MALRD1: variants seen among roughly 807,000 people sequenced by gnomAD.
MALRD1 encodes the protein MAM and LDL-receptor class A domain-containing protein 1.
A neutral mutation model predicts 242.1 loss-of-function variants in MALRD1; 247 were observed. The observed-to-expected ratio is 1.02, with a 90% CI of 0.92 to 1.13. The LOEUF (loss-of-function observed/expected upper bound fraction) is 1.13, where lower values mean the gene tolerates loss of function less well. MALRD1 is among the 50% of genes most tolerant of loss of function. The pLI, the probability that MALRD1 is intolerant of heterozygous loss-of-function variation, is 0.00. For missense variants in MALRD1, 2,989 were observed against 2,533.1 expected, an observed-to-expected ratio of 1.18 and a Z score of -3.86; for synonymous variants, 995 against 866.6, an observed-to-expected ratio of 1.15 and a Z score of -2.60.
intron 28 of MALRD1, among the ~76,000 whole-genome samples, chr10:19,442,363 G>A (rs911631734): frequency 1.3e-5 from 2 of 151,864 alleles, no homozygotes; most frequent in African/African-American, 4.8e-5. Context: ...ATGTTGAATA[G>A]GAGTGGTGAG....
intron 18 of MALRD1, among the ~76,000 whole-genome samples, chr10:19,253,147 A>T (rs1839366167): frequency 6.6e-6 from 1 of 151,996 alleles, no homozygotes; most frequent in South Asian, 2.1e-4. Flanking sequence ...TGGAAAATCC[A>T]ATGAAAAATA....
intron 19 of MALRD1, among the ~76,000 whole-genome samples, chr10:19,258,966 C>T (rs1049561374): frequency 2.0e-5 from 3 of 152,020 alleles, no homozygotes; most frequent in African/African-American, 7.2e-5. Flanking sequence ...TGATTTAGTA[C>T]CCACCCTCAT....
intron 36 of MALRD1, among the ~76,000 whole-genome samples, chr10:19,632,654 C>T (rs1564501149): frequency 6.6e-6 from 1 of 151,958 alleles, no homozygotes; most frequent in African/African-American, 2.4e-5. Flanking sequence ...ATGTTTCTCC[C>T]AACCTTACAT....
intron 33 of MALRD1, among the ~76,000 whole-genome samples, chr10:19,581,203 A>G (rs913232528): frequency 1.7e-5 from 2 of 116,320 alleles, no homozygotes; most frequent in African/African-American, 6.5e-5. Flanking sequence ...TTTTCTTGTA[A>G]TCTTTATTTA....
chr10:19,720,429 T>G (rs918545669), intron 38 of MALRD1, among the ~76,000 whole-genome samples: 6 of 152,218 alleles, frequency 3.9e-5, no homozygotes, highest in African/African-American at 1.4e-4. Flanking sequence ...AAATAAATGC[T>G]TTATCTCCTG....
intron 7 of MALRD1, among the ~76,000 whole-genome samples, chr10:19,125,932 A>G (rs903484350): frequency 2.6e-5 from 4 of 151,920 alleles, no homozygotes; most frequent in Non-Finnish European, 4.4e-5. Context: ...TCTTTAATCA[A>G]TTTTTCTTTT....
chr10:19,153,872 T>G (rs1247307032), intron 11 of MALRD1, among the ~76,000 whole-genome samples: 1 of 128,868 alleles, frequency 7.8e-6, no homozygotes, highest in Non-Finnish European at 1.8e-5. Context: ...CGTTAACCTC[T>G]TGTTTGAAAT....
At chr10:19,626,050 A>G (rs1234909840) in intron 36 of MALRD1, among the ~76,000 whole-genome samples, 3 of 152,192 alleles carry the variant, frequency 2.0e-5, no homozygotes, top group Non-Finnish European at 4.4e-5. Context: ...ATATTTAGAT[A>G]TCTTTTAGGT....
chr10:19,670,209 A>G (rs568432735), intron 36 of MALRD1, among the ~76,000 whole-genome samples: 1 of 152,190 alleles, frequency 6.6e-6, no homozygotes, highest in South Asian at 2.1e-4. Flanking sequence ...CTCCAAATGT[A>G]TGCTTTCTTC....
intron 8 of MALRD1, among the ~76,000 whole-genome samples, chr10:19,131,560 T>C (rs911344825): frequency 2.6e-5 from 4 of 152,170 alleles, no homozygotes; most frequent in Admixed American, 2.6e-4. Flanking sequence ...TAAATTTACA[T>C]GTAATTTTTC....
At chr10:19,523,259 C>T (rs372000468) in intron 31 of MALRD1, among the ~76,000 whole-genome samples, 4 of 152,266 alleles carry the variant, frequency 2.6e-5, no homozygotes, top group South Asian at 4.1e-4. Context: ...AACCAGTGGA[C>T]AATCCTGCCT....
chr10:19,375,446 G>A (rs529762530), intron 26 of MALRD1, among the ~76,000 whole-genome samples: 1 of 151,990 alleles, frequency 6.6e-6, no homozygotes, highest in Non-Finnish European at 1.5e-5. Context: ...TTTAATTATA[G>A]AACAATATAT....
chr10:19,111,440 A>C (rs1160009275), intron 5 of MALRD1, among the ~76,000 whole-genome samples: 1 of 152,214 alleles, frequency 6.6e-6, no homozygotes, highest in African/African-American at 2.4e-5. Context: ...CTTTCACGTG[A>C]ATATGACATT....
At chr10:19,577,359 G>C (rs1014191271) in intron 33 of MALRD1, among the ~76,000 whole-genome samples, 6 of 152,124 alleles carry the variant, frequency 3.9e-5, no homozygotes, top group Non-Finnish European at 5.9e-5. Flanking sequence ...AGGGATATTA[G>C]ATTTGAAGGC....
At chr10:19,096,036 G>A (rs1434488285) in intron 4 of MALRD1, among the ~76,000 whole-genome samples, 1 of 152,194 alleles carries the variant, frequency 6.6e-6, no homozygotes, top group Non-Finnish European at 1.5e-5. Context: ...TGGTATGGGA[G>A]TCTTAAATTA....
rs529548351 is a variant in MALRD1, at chr10:19,181,751, G to A, written c.1951+6423G>A. Among the ~76,000 whole-genome samples, 14 of 152,076 alleles carry A rather than the reference G, an allele frequency of 9.2e-5. No individual in the cohort carries two copies. The South Asian group carries it at 1.2e-3, about 14-fold the overall frequency. ...TTGCCACAAAAAAAGAAAAAAAAGG[G>A]CAATTATGTGAGATAATGGATAATT... On this transcript the variant is annotated intron_variant, in intron 14 of 39. Transcript: ENST00000454679.
chr10:19,377,918 A>T (rs930448973), intron 26 of MALRD1, among the ~76,000 whole-genome samples: 2 of 152,118 alleles, frequency 1.3e-5, no homozygotes, highest in Non-Finnish European at 2.9e-5. Flanking sequence ...AATACCAATG[A>T]TAACTGCCAG....
intron 38 of MALRD1, among the ~76,000 whole-genome samples, chr10:19,694,906 G>T (rs1833295733): frequency 6.6e-6 from 1 of 152,170 alleles, no homozygotes; most frequent in African/African-American, 2.4e-5. Context: ...AAAATGATGA[G>T]TTCATGTCCT....
chr10:19,335,023 G>A (rs757178837), intron 24 of MALRD1, among the ~76,000 whole-genome samples: 20 of 152,004 alleles, frequency 1.3e-4, no homozygotes, highest in East Asian at 3.9e-4. Context: ...ATTAGGGAAC[G>A]TATGCTGATT....
Sources: gnomAD v4.1 joint callset for allele counts (sites outside exome capture counted in the v4.1 genomes callset) on GRCh38, gnomAD v4.1.1 for gene constraint, MANE v1.5 for transcripts, NCBI Gene and HGNC (gene_info 2026-07-23, HGNC 2026-07-21) for gene names.